The following PKD1 variants were observed in gnomAD, a reference collection of about 807,000 sequenced individuals.
PKD1 encodes the protein polycystin-1.
A neutral mutation model predicts 361.7 loss-of-function variants in PKD1; 81 were observed. The observed-to-expected ratio is 0.22, with a 90% CI of 0.19 to 0.27. PKD1 has a LOEUF of 0.27. PKD1 is among the 10% of genes least tolerant of loss of function. PKD1 has a pLI of 1.00. For synonymous variants in PKD1, 3,615 were observed against 2,818.3 expected (o/e 1.28, Z -8.95); for missense variants, 6,399 against 6,118.3 (o/e 1.05, Z -1.53).
Position 2,114,174 on chromosome 16 carries a change from A to T in PKD1, c.2849T>A (p.Leu950Gln). ...SPEARVLQGV[L>Q]VRYSPVVEAG... Reference sequence around the variant, plus strand: ...TGGAGCCTCGGCCATACTCACCACTAGGACTCCCTGCAGTACACGGGCCTC... The same window carrying T: ...TGGAGCCTCGGCCATACTCACCACTTGGACTCCCTGCAGTACACGGGCCTC... Residue 950 changes from leucine (L) to glutamine (Q), a missense_variant, in exon 11 of 46, where the codon CTA (leucine) becomes CAA (glutamine). Coordinates refer to ENST00000262304, the MANE Select transcript of PKD1 (RefSeq NM_001009944.3). 1 of 1,605,388 alleles carries T rather than the reference A, an allele frequency of 6.2e-7. No individual in the cohort carries two copies. Among genetic ancestry groups the T allele is most frequent in the Middle Eastern group, 2.3e-4 (1 of 4,430 alleles).
In PKD1 at chr16:2,089,613, C is replaced by T. The variant is rs1032270911; in HGVS notation, c.*114G>A. On this transcript the variant is annotated 3_prime_UTR_variant, in exon 46 of 46. Coordinates refer to ENST00000262304, the MANE Select transcript of PKD1 (RefSeq NM_001009944.3). ...ACAGACAGATGCCCCTGCCTGCTCT[C>T]TGGGGAACCTACGTGCAGCCATTCT... is the stretch of plus-strand genomic sequence containing the variant. The T allele has an allele frequency of 1.5e-6, 2 of 1,318,140 alleles. No individual in the cohort carries two copies. Among genetic ancestry groups the T allele is most frequent in the Admixed American group, 2.0e-5 (1 of 49,874 alleles). 81.7% of individuals were successfully genotyped at this position (1,318,140 alleles called of 1,614,324 possible).
intron 1 of PKD1, among the ~76,000 whole-genome samples, chr16:2,130,170 C>T (rs1438065457): frequency 6.6e-6 from 1 of 152,228 alleles, no homozygotes; most frequent in East Asian, 1.9e-4. Context: ...TCTGAACGCC[C>T]GAGTGCGGGA....
rs929457769 is a variant in PKD1, at chr16:2,111,599, G to A, written c.3568C>T (p.Arg1190Cys). Residue 1190 changes from arginine to cysteine, a missense_variant, in exon 15 of 46, where the codon CGC becomes TGC. Arg to Cys is a radical substitution (Grantham distance 180). Transcript: ENST00000262304. ...TYASRGTYHV[R>C]LEVNNTVSGA... ...CTCACCGTGTTGTTGACCTCCAGGC[G>A]CACGTGGTAGGTGCCCCTCGAGGCA... The A allele has an allele frequency of 1.5e-5, 24 of 1,572,964 alleles. No individual in the cohort carries two copies. The highest frequency in any genetic ancestry group is 5.6e-5 in the Admixed American group (3 of 53,966).
Position 2,091,133 on chromosome 16 carries a change from C to G in PKD1, c.11754G>C (p.Glu3918Asp), listed in dbSNP as rs768018704. ...LLFAVHFAVAEARTWHREGRW... is the reference protein window; with the variant it reads ...LLFAVHFAVADARTWHREGRW... ...GCCCTTCCCTGTGCCAAGTACGGGC[C>G]TCGGCCACGGCGAAGTGCACGGCGA... The change falls in exon 43 of 46, where the codon GAG (glutamate) becomes GAC (aspartate). Residue 3918 changes from glutamate to aspartate, a missense_variant. Transcript: ENST00000262304. The G allele has an allele frequency of 6.7e-7, 1 of 1,484,104 alleles. No individual in the cohort carries two copies. The highest frequency in any genetic ancestry group is 8.9e-7 in the Non-Finnish European group (1 of 1,124,768). The allele number at this position is 1,484,104 out of a possible 1,614,324, so 91.9% of individuals were successfully genotyped here. A position where few individuals can be genotyped will look rare whatever the true frequency, so the allele number is the denominator to read the frequency against.
chr16:2,129,882 C>T (rs1261852903), intron 1 of PKD1, among the ~76,000 whole-genome samples: 1 of 151,812 alleles, frequency 6.6e-6, no homozygotes, highest in Non-Finnish European at 1.5e-5. Flanking sequence ...GTTGTTGAAT[C>T]ATAGTGTTCC....
intron 34 of PKD1, chr16:2,095,420 T>A (rs557355472): frequency 5.3e-5 from 8 of 151,940 alleles, no homozygotes; most frequent in Admixed American, 3.9e-4. Context: ...AAAAAATAAA[T>A]AAAAATAAAA....
rs2091407785 is a variant in PKD1 at position 2,090,101 on chromosome 16, C to T, written c.12538G>A (p.Ala4180Thr). Reference protein sequence around the residue: ...KVSPDVPPPSAGSDASHPSTS... With the variant: ...KVSPDVPPPSTGSDASHPSTS... Reference sequence around the variant, plus strand: ...GAGGGGTGCGAGGCATCGGAGCCAGCGCTGGGTGGGGGCACATCCGGGGAT... The same window carrying T: ...GAGGGGTGCGAGGCATCGGAGCCAGTGCTGGGTGGGGGCACATCCGGGGAT... Residue 4180 changes from alanine to threonine, a missense_variant, in exon 46 of 46, where the codon GCT (alanine) becomes ACT (threonine). Coordinates refer to ENST00000262304, the MANE Select transcript of PKD1 (RefSeq NM_001009944.3). 1.9e-6 allele frequency: 3 copies of T among 1,605,076 alleles called. No homozygotes were observed. Among genetic ancestry groups the T allele is most frequent in the East Asian group, 4.5e-5 (2 of 44,708 alleles).
Position 2,100,179 on chromosome 16 carries a change from C to T in PKD1, c.9699G>A (p.Glu3233=). 1 of 1,609,448 alleles carries T rather than the reference C, an allele frequency of 6.2e-7. No homozygotes were observed. The highest frequency in any genetic ancestry group is 1.1e-5 in the South Asian group (1 of 90,982). The change falls in exon 28 of 46, where the codon GAG becomes GAA. Residue 3233 remains glutamate (E), a synonymous_variant. Coordinates refer to ENST00000262304, the MANE Select transcript of PKD1 (RefSeq NM_001009944.3). This position sits in a 1 kb window ranked among gnomAD's most constrained non-coding sequence, Gnocchi z 4.4. ...TEANGGLVEK[E]VLAASDAALL... is the part of the protein sequence containing the mutation. Reference sequence around the variant, plus strand: ...ACGAGGCCTTACTCGCGGCCAGCACCTCCTTCTCCACCAGGCCCCCGTTGG... The same window carrying T: ...ACGAGGCCTTACTCGCGGCCAGCACTTCCTTCTCCACCAGGCCCCCGTTGG...
Position 2,106,752 on chromosome 16 carries a change from C to T in PKD1, c.7209+53G>A, listed in dbSNP as rs911270099. 1.4e-5 allele frequency: 21 copies of T among 1,506,636 alleles called. No homozygotes were observed. Among genetic ancestry groups the T allele is most frequent in the African/African-American group, 9.8e-5 (7 of 71,488 alleles). The allele number at this position is 1,506,636 out of a possible 1,614,324, so 93.3% of individuals were successfully genotyped here. A position where few individuals can be genotyped will look rare whatever the true frequency, so the allele number is the denominator to read the frequency against. ...CCCACTTCTGCCTGCAGGCCCCGTCCCCTCGGCCATGGGACCCATCCCCAG... is the reference window on the plus strand; with the variant it reads ...CCCACTTCTGCCTGCAGGCCCCGTCTCCTCGGCCATGGGACCCATCCCCAG... On this transcript the variant is annotated intron_variant, in intron 17 of 45. Transcript: ENST00000262304. This position sits in a 1 kb window ranked among gnomAD's most constrained non-coding sequence, Gnocchi z 6.5.
intron 9 of PKD1, 66 bp from the exon 10 acceptor site, chr16:2,115,691 G>C: frequency 6.9e-7 from 1 of 1,457,262 alleles, no homozygotes; most frequent in Non-Finnish European, 9.4e-7. Context: ...ATGCCCAACT[G>C]CCTGCACCAG....
Position 2,114,574 on chromosome 16 carries a change from C to T in PKD1, c.2449G>A (p.Val817Met), listed in dbSNP as rs1238467460. The T allele has an allele frequency of 1.3e-6, 2 of 1,594,232 alleles. No individual in the cohort carries two copies. Among genetic ancestry groups the T allele is most frequent in the Non-Finnish European group, 1.7e-6 (2 of 1,178,790 alleles). The change falls in exon 11 of 46, where the codon GTG becomes ATG. Residue 817 changes from valine to methionine, a missense_variant. Coordinates refer to ENST00000262304, the MANE Select transcript of PKD1 (RefSeq NM_001009944.3). Reference sequence around the variant, plus strand: ...CGCAGCCCAGCCACTGGGGAGACCACGTCAAAGCTGCAGGAGAGGTTGTGC... The same window carrying T: ...CGCAGCCCAGCCACTGGGGAGACCATGTCAAAGCTGCAGGAGAGGTTGTGC... ...SRHNLSCSFD[V>M]VSPVAGLRVI...
Position 2,106,346 on chromosome 16 carries a change from C to A in PKD1, c.7490-42G>T. The A allele has an allele frequency of 6.2e-7, 1 of 1,602,602 alleles. No homozygotes were observed. Among genetic ancestry groups the A allele is most frequent in the Non-Finnish European group, 8.5e-7 (1 of 1,174,450 alleles). ...ACGGCATCACGGGAGGGCTCCGTGA[C>A]GTCACAGAGTCGGGGGATCCCGCTG... On this transcript the variant is annotated intron_variant, in intron 18 of 45. Transcript: ENST00000262304. This position sits in a 1 kb window ranked among gnomAD's most constrained non-coding sequence, Gnocchi z 6.5.
intron 41 of PKD1, 54 bp from the exon 42 acceptor site, chr16:2,091,651 G>T: frequency 1.3e-6 from 2 of 1,555,624 alleles, no homozygotes; most frequent in Non-Finnish European, 1.7e-6. Flanking sequence ...GAGCTGCGGG[G>T]ACCGCGCAGT....
intron 43 of PKD1, 33 bp downstream of exon 43, chr16:2,090,851 G>A (rs752573380): frequency 1.1e-5 from 18 of 1,608,890 alleles, no homozygotes; most frequent in East Asian, 2.2e-5. Flanking sequence ...TGGGGTGTGC[G>A]CCCAGCCCCG....
rs1367657933 is a variant in PKD1 at position 2,118,221 on chromosome 16, G to A, written c.771C>T (p.Pro257=). 3.3e-6 allele frequency: 5 copies of A among 1,525,128 alleles called. No homozygotes were observed. Among genetic ancestry groups the A allele is most frequent in the Admixed American group, 2.0e-5 (1 of 51,116 alleles). 94.5% of individuals were successfully genotyped at this position (1,525,128 alleles called of 1,614,324 possible). Residue 257 remains proline, a synonymous_variant, in exon 5 of 46, where the codon CCC becomes CCT. Coordinates refer to ENST00000262304, the MANE Select transcript of PKD1 (RefSeq NM_001009944.3). This position sits in a 1 kb window ranked among gnomAD's most constrained non-coding sequence, Gnocchi z 6.0. ...LCSGPPPPPA[P]TCRGPTLLQH... ...GGAGGAGGGTGGGGCCCCTACAGGT[G>A]GGGGCAGGAGGTGGCGGGGGGCCGG...
At chr16:2,135,297 G>C (rs4080151) in intron 1 of PKD1, 178 bp downstream of exon 1, 17 of 985,026 alleles carry the variant, frequency 1.7e-5, no homozygotes, top group Non-Finnish European at 1.9e-5. Flanking sequence ...TCGGCTCCCC[G>C]GGGCCGTGCC....
At position 2,135,584 on chromosome 16, in the gene PKD1, G is replaced by A. The variant is rs2092941107; in HGVS notation, c.106C>T (p.Pro36Ser). The A allele has an allele frequency of 2.8e-6, 3 of 1,056,110 alleles. No individual in the cohort carries two copies. Among genetic ancestry groups the A allele is most frequent in the Non-Finnish European group, 3.4e-6 (3 of 877,296 alleles). The allele number at this position is 1,056,110 out of a possible 1,614,324, so 65.4% of individuals were successfully genotyped here. The change falls in exon 1 of 46, where the codon CCC (proline) becomes TCC (serine). Residue 36 changes from proline to serine, a missense_variant. By Grantham distance (74) the Pro-to-Ser change is moderately conservative. Transcript: ENST00000262304. Reference protein sequence around the residue: ...PGRGCGPCEPPCLCGPAPGAA... With the variant: ...PGRGCGPCEPSCLCGPAPGAA... ...CCGGGCGCTGGGCCGCAGAGGCAGG[G>A]GGGCTCGCAGGGCCCGCAGCCGCGC...
At chr16:2,105,813 G>A in intron 20 of PKD1, 52 bp downstream of exon 20, 2 of 1,559,310 alleles carry the variant, frequency 1.3e-6, no homozygotes, top group South Asian at 2.2e-5. Flanking sequence ...ACAGGTCTTG[G>A]TCCCAAGCAC....
In PKD1 at chr16:2,100,382, G is replaced by A. The variant is rs376346433; in HGVS notation, c.9568+14C>T. 113 of 1,611,120 alleles carry A rather than the reference G, an allele frequency of 7.0e-5. No individual in the cohort carries two copies. Among genetic ancestry groups the A allele is most frequent in the Non-Finnish European group, 9.2e-5 (109 of 1,179,732 alleles). On this transcript the variant is annotated intron_variant, in intron 27 of 45. Coordinates refer to ENST00000262304, the MANE Select transcript of PKD1 (RefSeq NM_001009944.3). The surrounding 1 kb of genome is among the most constrained non-coding windows in gnomAD (Gnocchi z 4.4). ...GGGGGCAGAGGGGCAGAGCTTGGCAGGGTCCGCACAAACCTTTGTTGTCGT... is the reference window on the plus strand; with the variant it reads ...GGGGGCAGAGGGGCAGAGCTTGGCAAGGTCCGCACAAACCTTTGTTGTCGT...
Sources: allele counts gnomAD v4.1 joint callset (sites outside exome capture counted in the v4.1 genomes callset), GRCh38; gene constraint gnomAD v4.1.1; non-coding constraint Gnocchi (gnomAD v3.1); transcripts MANE v1.5; gene names NCBI Gene and HGNC (gene_info 2026-07-23, HGNC 2026-07-21).